Variants in DIP2B observed in about 807,000 individuals in gnomAD.
DIP2B encodes disco-interacting protein 2 homolog B.
In DIP2B, 76 loss-of-function variants were observed where a neutral mutation model predicts 198.0. That is an observed-to-expected ratio of 0.38 (90% CI 0.32 to 0.46). DIP2B has a LOEUF of 0.46. Ranked by LOEUF, DIP2B falls within the 20% of genes least tolerant of loss-of-function variation. The pLI is 0.99. For missense variants in DIP2B, 1,559 were observed against 1,978.4 expected (o/e 0.79, Z 4.02); for synonymous variants, 701 against 739.1 (o/e 0.95, Z 0.84).
intron 1 of DIP2B, among the ~76,000 whole-genome samples, chr12:50,606,668 A>T (rs1958984469): frequency 6.6e-6 from 1 of 151,980 alleles, no homozygotes; most frequent in African/African-American, 2.4e-5. Flanking sequence ...TTTTTCTGAG[A>T]TTTTAATTTA....
intron 32 of DIP2B, among the ~76,000 whole-genome samples, chr12:50,732,925 A>C (rs1167565683): frequency 6.6e-6 from 1 of 150,538 alleles, no homozygotes; most frequent in Non-Finnish European, 1.5e-5. Context: ...TTTTTATTTG[A>C]GACGGAGCCT....
rs1939518270 is a variant in DIP2B at position 50,706,644 on chromosome 12, TAAAG to T, written c.2515_2518del (p.Lys839LeufsTer39). The T allele has an allele frequency of 6.2e-7, 1 of 1,613,948 alleles. No homozygotes were observed. The highest frequency in any genetic ancestry group is 8.5e-7 in the Non-Finnish European group (1 of 1,179,976). On this transcript the variant is annotated frameshift_variant, in exon 21 of 38. Transcript: ENST00000301180. LOFTEE classifies it high-confidence loss of function. ...GCTACTGGATTGGCTGTAGAATCAA[TAAAG>T]ACTGTTTATAGAGGAAGGTGAGTAG...
At chr12:50,606,512 A>G (rs1351487741) in intron 1 of DIP2B, among the ~76,000 whole-genome samples, 1 of 152,148 alleles carries the variant, frequency 6.6e-6, no homozygotes, top group African/African-American at 2.4e-5. Flanking sequence ...AGTTGTTTTT[A>G]CTTTTCATTT....
intron 2 of DIP2B, among the ~76,000 whole-genome samples, chr12:50,634,009 G>A (rs563236263): frequency 1.3e-5 from 2 of 152,170 alleles, no homozygotes; most frequent in South Asian, 2.1e-4. Flanking sequence ...TCCTCAAAAC[G>A]CTCCGACTTT....
chr12:50,627,570 A>G (rs1044791030), intron 2 of DIP2B, among the ~76,000 whole-genome samples: 5 of 152,184 alleles, frequency 3.3e-5, no homozygotes, highest in Non-Finnish European at 5.9e-5. Context: ...CTCAAGTAGT[A>G]CTGCCATCTC....
chr12:50,551,244 C>T (rs976230139), intron 1 of DIP2B, among the ~76,000 whole-genome samples: 5 of 152,044 alleles, frequency 3.3e-5, no homozygotes, highest in Admixed American at 6.6e-5. Flanking sequence ...GCCAACATGG[C>T]GAAACCCCAT....
At chr12:50,534,220 C>CT (rs1001839225) in intron 1 of DIP2B, among the ~76,000 whole-genome samples, 4 of 152,188 alleles carry the variant, frequency 2.6e-5, no homozygotes, top group African/African-American at 9.6e-5. Context: ...CATCAACAGG[C>CT]TGAGGACTCA....
chr12:50,521,489 CTTTTTTTTTTT>C, intron 1 of DIP2B, among the ~76,000 whole-genome samples: 1 of 98,248 alleles, frequency 1.0e-5, no homozygotes, highest in East Asian at 3.2e-4. Context: ...AGGTTTCTTT[CTTTTTTTTTTT>C]TTTTTTTTTG....
At chr12:50,722,200 G>A (rs1190513072) in intron 26 of DIP2B, among the ~76,000 whole-genome samples, 1 of 151,524 alleles carries the variant, frequency 6.6e-6, no homozygotes, top group Non-Finnish European at 1.5e-5. Flanking sequence ...TCTTTGGCCT[G>A]TTATCCCCCC....
intron 1 of DIP2B, among the ~76,000 whole-genome samples, chr12:50,622,069 G>A (rs1937825466): frequency 6.6e-6 from 1 of 152,200 alleles, no homozygotes; most frequent in Non-Finnish European, 1.5e-5. Context: ...TTGTCACTCT[G>A]CCAGATGTGT....
At chr12:50,583,882 G>T (rs1436156825) in intron 1 of DIP2B, among the ~76,000 whole-genome samples, 2 of 152,020 alleles carry the variant, frequency 1.3e-5, no homozygotes, top group African/African-American at 4.8e-5. Flanking sequence ...TTCTCTTCCA[G>T]TTTCTTTAGA....
At chr12:50,545,221 A>T (rs1195119593) in intron 1 of DIP2B, among the ~76,000 whole-genome samples, 1 of 152,052 alleles carries the variant, frequency 6.6e-6, no homozygotes, top group African/African-American at 2.4e-5. Flanking sequence ...CAGTTTTCCA[A>T]AGTGTTTATA....
At chr12:50,697,569 T>G (rs1012696629) in intron 17 of DIP2B, among the ~76,000 whole-genome samples, 2 of 111,710 alleles carry the variant, frequency 1.8e-5, no homozygotes, top group Non-Finnish European at 3.5e-5. Context: ...TTAGATAGGA[T>G]CTCTCTTTGT....
intron 1 of DIP2B, among the ~76,000 whole-genome samples, chr12:50,624,659 A>G (rs566805407): frequency 7.2e-5 from 11 of 152,170 alleles, no homozygotes; most frequent in African/African-American, 2.2e-4. Context: ...AGCAAATCCT[A>G]TGGTCTTCCT....
rs1181399380 is a variant in DIP2B, at chr12:50,729,142, C to A, written c.3641+464C>A. ...ATCCCAGCTCCTCTCACCATTCCCC[C>A]AGGGAACCTCATCTCAGACCTGCAT... On this transcript the variant is annotated intron_variant, in intron 30 of 37. Transcript: ENST00000301180. Among the ~76,000 whole-genome samples, 5 of 152,184 alleles carry A rather than the reference C, an allele frequency of 3.3e-5. No individual in the cohort carries two copies. The East Asian group carries it at 9.6e-4, about 29-fold the overall frequency.
chr12:50,686,527 C>T, intron 11 of DIP2B, 46 bp from the exon 12 acceptor site: 2 of 1,565,898 alleles, frequency 1.3e-6, no homozygotes, highest in Non-Finnish European at 1.8e-6. Context: ...TGAATTCATT[C>T]CCTGATGGCT....
Position 50,709,201 on chromosome 12 carries a change from G to A in DIP2B, c.2649+639G>A, listed in dbSNP as rs1046219395. Among the ~76,000 whole-genome samples the A allele has an allele frequency of 2.6e-5, 4 of 152,350 alleles. No individual in the cohort carries two copies. The South Asian group carries it at 8.3e-4, about 32-fold the overall frequency. On this transcript the variant is annotated intron_variant, in intron 22 of 37. Coordinates refer to ENST00000301180, the MANE Select transcript of DIP2B (RefSeq NM_173602.3). ...CTGAGTTTATTTCCTAACCTGCAAAGTAGGATAAAATTATCTGTTTTATAG... is the reference window on the plus strand; with the variant it reads ...CTGAGTTTATTTCCTAACCTGCAAAATAGGATAAAATTATCTGTTTTATAG...
rs573774524 is a variant in DIP2B, at chr12:50,690,125, T to C, written c.1552-924T>C. ...TTTTTGAGACGGAGTCTCGCTCTGT[T>C]GCCCAGGCTGGAGTGCAGTGGTGTG... On this transcript the variant is annotated intron_variant, in intron 12 of 37. Transcript: ENST00000301180. 2.4e-4 allele frequency among the ~76,000 whole-genome samples: 37 copies of C among 151,590 alleles called. No homozygotes were observed. In the East Asian group the frequency reaches 5.2e-3, roughly 21 times the overall value.
chr12:50,712,916 AAAAT>A (rs1323867720), intron 22 of DIP2B, among the ~76,000 whole-genome samples: 5 of 152,190 alleles, frequency 3.3e-5, no homozygotes, highest in Non-Finnish European at 7.3e-5. Context: ...TCAAAAAAAT[AAAAT>A]AAAGTTGATT....
Sources: gnomAD v4.1 joint callset for allele counts (sites outside exome capture counted in the v4.1 genomes callset) on GRCh38, gnomAD v4.1.1 for gene constraint, MANE v1.5 for transcripts, NCBI Gene and HGNC (gene_info 2026-07-23, HGNC 2026-07-21) for gene names.